Variants in MORF4L1 observed in about 807,000 individuals in gnomAD.
MORF4L1 encodes the protein mortality factor 4 like 1.
A neutral mutation model predicts 52.9 loss-of-function variants in MORF4L1; 4 were observed. The observed-to-expected ratio is 0.08, with a 90% CI of 0.04 to 0.17. The LOEUF is 0.17. Ranked by LOEUF, MORF4L1 falls within the 10% of genes least tolerant of loss-of-function variation. The pLI is 1.00. For missense variants in MORF4L1, 214 were observed against 390.4 expected (o/e 0.55, Z 3.81); for synonymous variants, 123 against 134.8 (o/e 0.91, Z 0.61).
rs764699368 is a variant in MORF4L1, at chr15:78,879,199, T to A, written c.87+940T>A. Among the ~76,000 whole-genome samples, 39 of 152,154 alleles carry A rather than the reference T, an allele frequency of 2.6e-4. No individual in the cohort carries two copies. The East Asian group carries it at 3.5e-3, about 14-fold the overall frequency. On this transcript the variant is annotated intron_variant, in intron 2 of 11. Transcript: ENST00000426013. ...CAGTTTGGGCAACCAAGCGAGACTC[T>A]CTCTCTCTTTATTTTTATGCTCCCC...
rs984862730 is a variant in MORF4L1, at chr15:78,880,694, T to C, written c.155+115T>C. The C allele has an allele frequency of 5.7e-6, 4 of 702,846 alleles. No homozygotes were observed. The South Asian group carries it at 6.2e-5, about 11-fold the overall frequency. 43.5% of individuals were successfully genotyped at this position (702,846 alleles called of 1,614,324 possible). A position where few individuals can be genotyped will look rare whatever the true frequency, so the allele number is the denominator to read the frequency against. On this transcript the variant is annotated intron_variant, in intron 3 of 11. Transcript: ENST00000426013. ...CAGTTTTAATGTAATATAGTACATA[T>C]TGAAGCAAAGGTGAATCATTTGTAG...
In MORF4L1 at chr15:78,885,097, T is replaced by C. The variant is rs1007916704; in HGVS notation, c.156-1044T>C. The C allele has an allele frequency of 1.9e-6, 3 of 1,574,398 alleles. No homozygotes were observed. In the African/African-American group the frequency reaches 4.1e-5, roughly 21 times the overall value. On this transcript the variant is annotated intron_variant, in intron 3 of 11. Coordinates refer to ENST00000426013, the MANE Select transcript of MORF4L1 (RefSeq NM_006791.4). ...CCTGACCTCTAGGTAAATGCATGTT[T>C]TGAAATTTTCTCTAGGAAATCATGT...
chr15:78,873,967 T>C (rs2056427000), intron 1 of MORF4L1: 1 of 152,240 alleles, frequency 6.6e-6, no homozygotes, highest in African/African-American at 2.4e-5. Flanking sequence ...AGTAATTGTT[T>C]GATTAGTTGC....
rs1249136328 is a variant in MORF4L1 at position 78,894,051 on chromosome 15, T to G, written c.630-7T>G. The G allele has an allele frequency of 6.2e-7, 1 of 1,608,098 alleles. No homozygotes were observed. The highest frequency in any genetic ancestry group is 1.3e-5 in the African/African-American group (1 of 74,598). ...CCAGTTTTGGAATATTTTTGTTCAT[T>G]TATCAGGGAGTATGCGGTTAATGAA... On this transcript the variant is annotated splice_polypyrimidine_tract_variant and splice_region_variant and intron_variant, in intron 9 of 11. Coordinates refer to ENST00000426013, the MANE Select transcript of MORF4L1 (RefSeq NM_006791.4).
chr15:78,881,984 C>T (rs76675237), intron 3 of MORF4L1, among the ~76,000 whole-genome samples: 19,699 of 152,094 alleles, frequency 0.13, 1,350 homozygotes, highest in East Asian at 0.26. Flanking sequence ...AGGTGACCAA[C>T]CCAGTTAATT....
In MORF4L1 at chr15:78,880,492, A is replaced by ATT; in HGVS notation, c.88-11_88-10dup. On this transcript the variant is annotated intron_variant, in intron 2 of 11. Transcript: ENST00000426013. ...TTAAAAAATTTCTAAGTGAATTATT[A>ATT]TTTTTTTTTTGAATTTCAGTGTGTA... 6 of 1,405,670 alleles carry ATT rather than the reference A, an allele frequency of 4.3e-6. No individual in the cohort carries two copies. The highest frequency in any genetic ancestry group is 2.5e-5 in the East Asian group (1 of 39,364). 87.1% of individuals were successfully genotyped at this position (1,405,670 alleles called of 1,614,324 possible).
In MORF4L1 at chr15:78,886,132, C is replaced by T. The variant is rs1348606211; in HGVS notation, c.156-9C>T. The T allele has an allele frequency of 1.9e-6, 3 of 1,610,724 alleles. No individual in the cohort carries two copies. Among genetic ancestry groups the T allele is most frequent in the Admixed American group, 1.7e-5 (1 of 59,952 alleles). On this transcript the variant is annotated splice_polypyrimidine_tract_variant and intron_variant, in intron 3 of 11. Coordinates refer to ENST00000426013, the MANE Select transcript of MORF4L1 (RefSeq NM_006791.4). ...TTTTGAGTTAAATTTTAACTTTCCT[C>T]TTTTTCAGTTGGGATGAATGGGTTC... is the stretch of plus-strand genomic sequence containing the variant.
rs527885701 is a variant in MORF4L1, at chr15:78,878,518, A to G, written c.87+259A>G. On this transcript the variant is annotated intron_variant, in intron 2 of 11. Coordinates refer to ENST00000426013, the MANE Select transcript of MORF4L1 (RefSeq NM_006791.4). Reference sequence around the variant, plus strand: ...TTGAGGGGAATGTTAGAAGGGGAAGATGGGCTGTGGGAACAAAGAGCATTT... The same window carrying G: ...TTGAGGGGAATGTTAGAAGGGGAAGGTGGGCTGTGGGAACAAAGAGCATTT... 3.3e-4 allele frequency among the ~76,000 whole-genome samples: 51 copies of G among 152,344 alleles called. No homozygotes were observed. Among genetic ancestry groups the G allele is most frequent in the Non-Finnish European group, 6.8e-4 (46 of 68,030 alleles).
chr15:78,891,060 A>G, intron 6 of MORF4L1, 46 bp downstream of exon 6: 1 of 1,459,426 alleles, frequency 6.9e-7, no homozygotes. Context: ...TACCTCTATG[A>G]CATTGACGTT....
rs76638216 is a variant in MORF4L1, at chr15:78,892,117, A to G, written c.439-95A>G. ...CAGCTGTATGCTTGGCTACTTTAAG[A>G]TTTATCCCTAGTGCCTCTAAAAGTC... On this transcript the variant is annotated intron_variant, in intron 7 of 11. Coordinates refer to ENST00000426013, the MANE Select transcript of MORF4L1 (RefSeq NM_006791.4). 8.3e-3 allele frequency: 6,326 copies of G among 761,556 alleles called. 330 individuals are homozygous for G. The African/African-American group carries it at 0.1, about 12-fold the overall frequency. The allele number at this position is 761,556 out of a possible 1,614,324, so 47.2% of individuals were successfully genotyped here. A position where few individuals can be genotyped will look rare whatever the true frequency, so the allele number is the denominator to read the frequency against.
intron 8 of MORF4L1, 76 bp from the exon 9 acceptor site, chr15:78,893,463 G>A (rs186553445): frequency 6.7e-5 from 63 of 935,108 alleles, no homozygotes; most frequent in Admixed American, 5.0e-4. Flanking sequence ...CCTGATCTTT[G>A]TATAAAAACT....
intron 5 of MORF4L1, among the ~76,000 whole-genome samples, chr15:78,890,397 G>A (rs144094129): frequency 6.6e-6 from 1 of 151,036 alleles, no homozygotes; most frequent in African/African-American, 2.4e-5. Flanking sequence ...TTTTTTTGGT[G>A]GGCCTAATAA....
At chr15:78,882,731 A>T (rs1223273927) in intron 3 of MORF4L1, among the ~76,000 whole-genome samples, 1 of 152,154 alleles carries the variant, frequency 6.6e-6, no homozygotes, top group Non-Finnish European at 1.5e-5. Flanking sequence ...AAAAAAACAC[A>T]AAGCAAATTT....
At chr15:78,879,381 C>A (rs1039272462) in intron 2 of MORF4L1, among the ~76,000 whole-genome samples, 3 of 152,118 alleles carry the variant, frequency 2.0e-5, no homozygotes, top group African/African-American at 7.2e-5. Context: ...GCCACCACAC[C>A]TGGCTAATTT....
At position 78,894,006 on chromosome 15, in the gene MORF4L1, A is replaced by C. The variant is rs944763222; in HGVS notation, c.630-52A>C. 2.7e-6 allele frequency: 4 copies of C among 1,486,850 alleles called. No homozygotes were observed. The African/African-American group carries it at 4.2e-5, about 16-fold the overall frequency. 92.1% of individuals were successfully genotyped at this position (1,486,850 alleles called of 1,614,324 possible). On this transcript the variant is annotated intron_variant, in intron 9 of 11. Transcript: ENST00000426013. Reference sequence around the variant, plus strand: ...CTTTAAATTGGTTGAATTATTCTCTATGTCAGTTATTTTTATTGACCAGTT... The same window carrying C: ...CTTTAAATTGGTTGAATTATTCTCTCTGTCAGTTATTTTTATTGACCAGTT...
rs779706458 is a variant in MORF4L1, at chr15:78,880,517, A to G, written c.93A>G (p.Val31=). The change falls in exon 3 of 12, where the codon GTA becomes GTG. Residue 31 remains valine, a synonymous_variant. Transcript: ENST00000426013. ...HGPLLYEAKC[V]KVAIKDKQVK... ...ATTTTTTTTTTGAATTTCAGTGTGT[A>G]AAGGTTGCCATAAAGGACAAACAAG... is the stretch of plus-strand genomic sequence containing the variant. 2 of 1,598,386 alleles carry G rather than the reference A, an allele frequency of 1.3e-6. No homozygotes were observed. Among genetic ancestry groups the G allele is most frequent in the African/African-American group, 1.3e-5 (1 of 74,206 alleles).
intron 5 of MORF4L1, among the ~76,000 whole-genome samples, chr15:78,889,414 G>T (rs925601023): frequency 6.6e-6 from 1 of 152,158 alleles, no homozygotes; most frequent in Non-Finnish European, 1.5e-5. Context: ...ATGCTTCAAT[G>T]AGCATTTCCT....
Position 78,894,309 on chromosome 15 carries a change from C to T in MORF4L1, c.802+79C>T, listed in dbSNP as rs570425032. 4.6e-5 allele frequency: 53 copies of T among 1,155,944 alleles called. No individual in the cohort carries two copies. In the African/African-American group the frequency reaches 7.5e-4, roughly 16 times the overall value. 71.6% of individuals were successfully genotyped at this position (1,155,944 alleles called of 1,614,324 possible). A position where few individuals can be genotyped will look rare whatever the true frequency, so the allele number is the denominator to read the frequency against. ...AATGAATAAGAGGTAAAGTAATTAA[C>T]TTTCCAAAACATGACTCCCATTTTA... On this transcript the variant is annotated intron_variant, in intron 10 of 11. Coordinates refer to ENST00000426013, the MANE Select transcript of MORF4L1 (RefSeq NM_006791.4).
intron 1 of MORF4L1, among the ~76,000 whole-genome samples, chr15:78,874,533 T>C (rs1174898158): frequency 6.6e-6 from 1 of 151,934 alleles, no homozygotes; most frequent in South Asian, 2.1e-4. Flanking sequence ...AAGTTTTGTT[T>C]TGTTCTGTTT....
Sources: allele counts gnomAD v4.1 joint callset (sites outside exome capture counted in the v4.1 genomes callset), GRCh38; gene constraint gnomAD v4.1.1; transcripts MANE v1.5; gene names NCBI Gene and HGNC (gene_info 2026-07-23, HGNC 2026-07-21).